Variants in SDK1 observed in about 807,000 individuals in gnomAD.
SDK1 encodes protein sidekick-1.
Under a neutral mutation model 245.5 loss-of-function variants are expected in SDK1, and 157 were observed. That is an observed-to-expected ratio of 0.64 (90% CI 0.56 to 0.73). The LOEUF (loss-of-function observed/expected upper bound fraction) is 0.73. Ranked by LOEUF, SDK1 falls within the 30% of genes least tolerant of loss-of-function variation. The pLI, the probability that SDK1 is intolerant of heterozygous loss-of-function variation, is 0.00. For missense variants in SDK1, 3,583 were observed against 3,002.3 expected (o/e 1.19, Z -4.52); for synonymous variants, 1,647 against 1,278.5 (o/e 1.29, Z -6.15).
At chr7:3,874,600 C>T (rs1476605072) in intron 5 of SDK1, among the ~76,000 whole-genome samples, 2 of 152,154 alleles carry the variant, frequency 1.3e-5, no homozygotes, top group Non-Finnish European at 2.9e-5. Flanking sequence ...TCCTTCTCCA[C>T]CCCCGTTCCC....
intron 1 of SDK1, among the ~76,000 whole-genome samples, chr7:3,420,927 C>T (rs1779517685): frequency 6.6e-6 from 1 of 152,074 alleles, no homozygotes; most frequent in South Asian, 2.1e-4. Flanking sequence ...CCTGATAGGC[C>T]CCAGTGTGTG....
intron 4 of SDK1, among the ~76,000 whole-genome samples, chr7:3,772,702 A>G (rs1780438064): frequency 6.6e-6 from 1 of 152,192 alleles, no homozygotes; most frequent in South Asian, 2.1e-4. Flanking sequence ...GTTACTATCC[A>G]GTATCTTTTC....
At chr7:4,043,740 A>C (rs531736864) in intron 17 of SDK1, among the ~76,000 whole-genome samples, 2 of 152,258 alleles carry the variant, frequency 1.3e-5, no homozygotes, top group East Asian at 3.9e-4. Flanking sequence ...TTTGTTGCAT[A>C]TGATCCTCAT....
chr7:3,406,165 A>C (rs898833419), intron 1 of SDK1, among the ~76,000 whole-genome samples: 4 of 152,184 alleles, frequency 2.6e-5, no homozygotes, highest in Non-Finnish European at 5.9e-5. Context: ...TGGTTAATCC[A>C]CGTGATTTTT....
At chr7:3,640,656 T>G (rs1583259365) in intron 3 of SDK1, among the ~76,000 whole-genome samples, 1 of 152,210 alleles carries the variant, frequency 6.6e-6, no homozygotes, top group East Asian at 1.9e-4. Context: ...TATGTTTTTG[T>G]TTCTGTTCTG....
At chr7:4,224,372 T>C (rs78155958) in intron 40 of SDK1, among the ~76,000 whole-genome samples, 1,705 of 152,316 alleles carry the variant, frequency 0.011, 38 homozygotes, top group African/African-American at 0.04. Flanking sequence ...GCCACATGGC[T>C]GGGGCAGGAG....
Position 3,513,358 on chromosome 7 carries a change from C to T in SDK1, c.299-105722C>T, listed in dbSNP as rs190776881. Among the ~76,000 whole-genome samples, 771 of 152,158 alleles carry T rather than the reference C, an allele frequency of 5.1e-3. 4 individuals are homozygous for T. The highest frequency in any genetic ancestry group is 0.018 in the South Asian group (89 of 4,822). On this transcript the variant is annotated intron_variant, in intron 1 of 44. Coordinates refer to ENST00000404826, the MANE Select transcript of SDK1 (RefSeq NM_152744.4). ...TAGAGGAAGACTATTTTTTAAATTT[C>T]GGTTATTCTCAAGTTGATTTACAGT...
At chr7:4,058,483 G>T (rs1368375346) in intron 19 of SDK1, among the ~76,000 whole-genome samples, 4 of 152,104 alleles carry the variant, frequency 2.6e-5, no homozygotes, top group African/African-American at 9.7e-5. Flanking sequence ...TAGACATCCA[G>T]ATATGGGAGG....
intron 1 of SDK1, among the ~76,000 whole-genome samples, chr7:3,410,901 AACTCT>A: frequency 6.6e-6 from 1 of 152,048 alleles, no homozygotes; most frequent in South Asian, 2.1e-4. Flanking sequence ...CCATATTCTT[AACTCT>A]GCTTGTCTCT....
Position 4,268,842 on chromosome 7 carries a change from G to T in SDK1, c.*3458G>T. 4.2e-6 allele frequency: 4 copies of T among 948,202 alleles called. No homozygotes were observed. In the East Asian group the frequency reaches 2.0e-4, roughly 48 times the overall value. The allele number at this position is 948,202 out of a possible 1,614,324, so 58.7% of individuals were successfully genotyped here. A position where few individuals can be genotyped will look rare whatever the true frequency, so the allele number is the denominator to read the frequency against. On this transcript the variant is annotated 3_prime_UTR_variant, in exon 45 of 45. Transcript: ENST00000404826. The stretch of plus-strand genomic sequence containing the variant: ...CGTCTCCTTCCCGCGTCACCTTCTG[G>T]TTTAGGGAGCCGTCAGGTCCCTAAA...
chr7:3,694,783 C>T lies in SDK1; in HGVS notation c.713+52678C>T, dbSNP rs566152352. 2.0e-5 allele frequency among the ~76,000 whole-genome samples: 3 copies of T among 152,210 alleles called. No individual in the cohort carries two copies. In the South Asian group the frequency reaches 6.2e-4, roughly 32 times the overall value. ...GTTTTTACAAACATCCCTGGTAATT[C>T]CTATCGTAAGTTTGTGAACCATTGC... On this transcript the variant is annotated intron_variant, in intron 4 of 44. Transcript: ENST00000404826.
intron 14 of SDK1, among the ~76,000 whole-genome samples, chr7:4,009,494 A>G (rs956031134): frequency 2.6e-5 from 4 of 152,188 alleles, no homozygotes; most frequent in African/African-American, 4.8e-5. Flanking sequence ...TCTGTAGGTA[A>G]CTGGGAATGC....
In SDK1 at chr7:4,051,682, C is replaced by A. The variant is rs1482658091; in HGVS notation, c.2763C>A (p.Val921=). 6.2e-7 allele frequency: 1 copy of A among 1,613,176 alleles called. No individual in the cohort carries two copies. The change falls in exon 19 of 45, where the codon GTC becomes GTA. Residue 921 remains valine (V), a synonymous_variant. Transcript: ENST00000404826. ...PADAPEAVTV[V]TIAPDFHGVH... ...ATGCCCCCGAGGCTGTCACTGTGGTCACTATTGCCCCAGATTTCCACGGAG... is the reference window on the plus strand; with the variant it reads ...ATGCCCCCGAGGCTGTCACTGTGGTAACTATTGCCCCAGATTTCCACGGAG...
chr7:3,867,749 T>C (rs1292144185), intron 5 of SDK1, among the ~76,000 whole-genome samples: 3 of 152,212 alleles, frequency 2.0e-5, no homozygotes, highest in Non-Finnish European at 4.4e-5. Context: ...ACTTAAAATA[T>C]GGTTTTTGAT....
chr7:3,597,768 G>C (rs890575118), intron 1 of SDK1, among the ~76,000 whole-genome samples: 1 of 152,098 alleles, frequency 6.6e-6, no homozygotes, highest in Non-Finnish European at 1.5e-5. Flanking sequence ...TTTTGTTTTT[G>C]ACTTTTTTCA....
chr7:4,137,463 G>A (rs1314089469), intron 28 of SDK1, among the ~76,000 whole-genome samples: 5 of 152,164 alleles, frequency 3.3e-5, no homozygotes, highest in Admixed American at 6.5e-5. Flanking sequence ...AGCAGTGGAC[G>A]GTTCTGGAAC....
In SDK1 at chr7:3,393,028, T is replaced by A. The variant is rs773694666; in HGVS notation, c.298+91144T>A. On this transcript the variant is annotated intron_variant, in intron 1 of 44. Coordinates refer to ENST00000404826, the MANE Select transcript of SDK1 (RefSeq NM_152744.4). ...TCTTGTTCCCCAGGCTGTAGTACAG[T>A]GGCGTGATCTCAGCTCACTGCAATC... Among the ~76,000 whole-genome samples, 81 of 134,376 alleles carry A rather than the reference T, an allele frequency of 6.0e-4. 2 individuals are homozygous for A. Among genetic ancestry groups the A allele is most frequent in the Non-Finnish European group, 1.1e-3 (71 of 65,268 alleles). 88.2% of individuals were successfully genotyped at this position (134,376 alleles called of 152,430 possible).
chr7:3,929,597 G>A (rs1027677208), intron 5 of SDK1, among the ~76,000 whole-genome samples: 1 of 152,126 alleles, frequency 6.6e-6, no homozygotes, highest in African/African-American at 2.4e-5. Context: ...AAACTCCTTT[G>A]AACAAAATGT....
At chr7:3,333,157 G>T (rs1253970586) in intron 1 of SDK1, among the ~76,000 whole-genome samples, 3 of 152,176 alleles carry the variant, frequency 2.0e-5, no homozygotes, top group Non-Finnish European at 4.4e-5. Flanking sequence ...GCTGCTTCCT[G>T]TGGTTCTGTT....
Sources: gnomAD v4.1 joint callset for allele counts (sites outside exome capture counted in the v4.1 genomes callset) on GRCh38, gnomAD v4.1.1 for gene constraint, MANE v1.5 for transcripts, NCBI Gene and HGNC (gene_info 2026-07-23, HGNC 2026-07-21) for gene names.